The following YIPF7 variants were observed in gnomAD, a reference collection of about 807,000 sequenced individuals.
The protein encoded by YIPF7 is protein YIPF7.
YIPF7 carries 35 observed loss-of-function variants against 27.2 expected under a neutral mutation model. The ratio of observed to expected loss-of-function variants is 1.29; its 90% CI spans 0.98 to 1.70. YIPF7 has a LOEUF of 1.70. Among genes scored for constraint, YIPF7 ranks in the 40% most tolerant of loss-of-function variants. YIPF7 has a pLI of 0.00. For missense variants in YIPF7, 358 were observed against 303.7 expected (o/e 1.18, Z -1.33); for synonymous variants, 137 against 110.4 (o/e 1.24, Z -1.51).
At chr4:44,628,148 A>G (rs148306276) in intron 4 of YIPF7, among the ~76,000 whole-genome samples, 59 of 152,300 alleles carry the variant, frequency 3.9e-4, no homozygotes, top group African/African-American at 1.2e-3. Context: ...TGACAAAGAC[A>G]GAAGAAGGGA....
intron 2 of YIPF7, among the ~76,000 whole-genome samples, chr4:44,637,016 C>T (rs1713149059): frequency 6.6e-6 from 1 of 152,142 alleles, no homozygotes; most frequent in African/African-American, 2.4e-5. Context: ...ATTTTCTGTG[C>T]CTGGTTTGTT....
Position 44,635,919 on chromosome 4 carries a change from T to TA in YIPF7, c.280+2dup, listed in dbSNP as rs1186130810. 1.2e-6 allele frequency: 2 copies of TA among 1,613,478 alleles called. No homozygotes were observed. Among genetic ancestry groups the TA allele is most frequent in the African/African-American group, 2.7e-5 (2 of 74,932 alleles). ...ACACATTAATAACACTTCCTTAACTTATCTTCTAGCAAAGGAGGCTCTTCA... is the reference window on the plus strand; with the variant it reads ...ACACATTAATAACACTTCCTTAACTTAATCTTCTAGCAAAGGAGGCTCTTCA... On this transcript the variant is annotated splice_region_variant and intron_variant, in intron 3 of 5. Coordinates refer to ENST00000415895, the MANE Select transcript of YIPF7 (RefSeq NM_182592.3).
intron 2 of YIPF7, among the ~76,000 whole-genome samples, chr4:44,645,313 G>A (rs1713488679): frequency 6.6e-6 from 1 of 151,992 alleles, no homozygotes; most frequent in Non-Finnish European, 1.5e-5. Flanking sequence ...ACTCTGAATG[G>A]CTATGCCAAT....
In YIPF7 at chr4:44,631,702, T is replaced by C. The variant is rs183366351; in HGVS notation, c.281-2154A>G. The stretch of plus-strand genomic sequence containing the variant: ...TATATATTTATTAATGAACGTATGC[T>C]TTGAAGAATATGAGCAGTTCACCAA... On this transcript the variant is annotated intron_variant, in intron 3 of 5. Coordinates refer to ENST00000415895, the MANE Select transcript of YIPF7 (RefSeq NM_182592.3). 2.2e-3 allele frequency among the ~76,000 whole-genome samples: 334 copies of C among 152,246 alleles called. 2 individuals are homozygous for C. Among genetic ancestry groups the C allele is most frequent in the African/African-American group, 7.4e-3 (309 of 41,564 alleles).
chr4:44,652,837 C>G (rs534842048), upstream of YIPF7, among the ~76,000 whole-genome samples: 1 of 152,036 alleles, frequency 6.6e-6, no homozygotes, highest in Non-Finnish European at 1.5e-5. Context: ...GTATTATTAT[C>G]CCATTTTACC....
intron 2 of YIPF7, among the ~76,000 whole-genome samples, chr4:44,639,768 T>A (rs1223632389): frequency 7.1e-6 from 1 of 140,456 alleles, no homozygotes; most frequent in African/African-American, 2.9e-5. Flanking sequence ...TCTTGTTTCA[T>A]TTTTTCTTAG....
intron 2 of YIPF7, among the ~76,000 whole-genome samples, chr4:44,657,114 G>T (rs944543358): frequency 6.6e-6 from 1 of 152,098 alleles, no homozygotes; most frequent in Non-Finnish European, 1.5e-5. Context: ...ATTTTATTAT[G>T]ATCAGCAGGT....
chr4:44,645,192 G>C (rs1477421092), intron 2 of YIPF7, among the ~76,000 whole-genome samples: 1 of 151,986 alleles, frequency 6.6e-6, no homozygotes, highest in Non-Finnish European at 1.5e-5. Context: ...ATGTTTTAGG[G>C]TTTTTTTCTA....
intron 2 of YIPF7, among the ~76,000 whole-genome samples, chr4:44,647,034 C>T (rs371285002): frequency 6.6e-6 from 1 of 152,138 alleles, no homozygotes; most frequent in African/African-American, 2.4e-5. Flanking sequence ...TTACGTACCT[C>T]ATAAAACTAC....
At chr4:44,634,505 C>T (rs61622278) in intron 3 of YIPF7, among the ~76,000 whole-genome samples, 10,937 of 151,918 alleles carry the variant, frequency 0.072, 445 homozygotes, top group Admixed American at 0.097. Flanking sequence ...GCACTCCAGC[C>T]TCGGCAACAG....
At chr4:44,650,507 G>GCGCGCGCGCACA (rs6148421) in intron 1 of YIPF7, among the ~76,000 whole-genome samples, 80 of 137,178 alleles carry the variant, frequency 5.8e-4, no homozygotes, top group African/African-American at 2.2e-3. Context: ...GCGCGCGCGC[G>GCGCGCGCGCACA]CACACACACA....
chr4:44,652,749 C>T (rs1713773268), upstream of YIPF7, among the ~76,000 whole-genome samples: 1 of 152,136 alleles, frequency 6.6e-6, no homozygotes, highest in Non-Finnish European at 1.5e-5. Flanking sequence ...TTTGCTACAC[C>T]TACAACTAAT....
At chr4:44,630,520 G>A (rs1712848109) in intron 3 of YIPF7, among the ~76,000 whole-genome samples, 1 of 152,178 alleles carries the variant, frequency 6.6e-6, no homozygotes, top group African/African-American at 2.4e-5. Flanking sequence ...AATGTACTGT[G>A]AAGTTGAGTC....
intron 2 of YIPF7, among the ~76,000 whole-genome samples, chr4:44,636,578 G>T (rs1713130194): frequency 6.6e-6 from 1 of 152,082 alleles, no homozygotes; most frequent in Non-Finnish European, 1.5e-5. Context: ...TGTGGAAGCA[G>T]CCAGGAAAAA....
rs548388178 is a variant in YIPF7, at chr4:44,622,177, G to C, written c.*237C>G. On this transcript the variant is annotated 3_prime_UTR_variant, in exon 6 of 6. Coordinates refer to ENST00000415895, the MANE Select transcript of YIPF7 (RefSeq NM_182592.3). Reference sequence around the variant, plus strand: ...AGCAGGGTTGATCAGTACAGCAACTGTATCCCTTTTGATTTTAAGTATTTT... The same window carrying C: ...AGCAGGGTTGATCAGTACAGCAACTCTATCCCTTTTGATTTTAAGTATTTT... 52 of 515,598 alleles carry C rather than the reference G, an allele frequency of 1.0e-4. No individual in the cohort carries two copies. In the South Asian group the frequency reaches 1.2e-3, roughly 12 times the overall value. The allele number at this position is 515,598 out of a possible 1,614,324, so 31.9% of individuals were successfully genotyped here.
intron 2 of YIPF7, among the ~76,000 whole-genome samples, chr4:44,645,744 G>A (rs78169075): frequency 0.03 from 4,601 of 152,032 alleles, 161 homozygotes; most frequent in East Asian, 0.11. Context: ...GTTAGTAAAC[G>A]TCTCCTCTTC....
intron 2 of YIPF7, among the ~76,000 whole-genome samples, chr4:44,647,123 G>T (rs1713555270): frequency 6.6e-6 from 1 of 152,070 alleles, no homozygotes; most frequent in Non-Finnish European, 1.5e-5. Flanking sequence ...TCCAAATCAG[G>T]ACTTAGATTT....
chr4:44,651,148 T>C (rs541304617), intron 1 of YIPF7, among the ~76,000 whole-genome samples: 1 of 152,268 alleles, frequency 6.6e-6, no homozygotes, highest in African/African-American at 2.4e-5. Context: ...ATCAGAAATA[T>C]TCAAGTAACA....
chr4:44,650,310 T>G (rs1713684391), intron 1 of YIPF7, among the ~76,000 whole-genome samples: 1 of 152,174 alleles, frequency 6.6e-6, no homozygotes, highest in African/African-American at 2.4e-5. Flanking sequence ...TTCAACTACT[T>G]TTTCTGAAGT....
Sources: gnomAD v4.1 joint callset for allele counts (sites outside exome capture counted in the v4.1 genomes callset) on GRCh38, gnomAD v4.1.1 for gene constraint, MANE v1.5 for transcripts, NCBI Gene and HGNC (gene_info 2026-07-23, HGNC 2026-07-21) for gene names.